The following HIP1 variants were observed in gnomAD, a reference collection of about 807,000 sequenced individuals.
HIP1 encodes huntingtin-interacting protein 1.
Under a neutral mutation model 147.6 loss-of-function variants are expected in HIP1, and 65 were observed. The observed-to-expected ratio is 0.44, with a 90% CI of 0.36 to 0.54. The LOEUF (loss-of-function observed/expected upper bound fraction) is 0.54. HIP1 is among the 20% of genes least tolerant of loss of function. The pLI, the probability that HIP1 is intolerant of heterozygous loss-of-function variation, is 0.00. For synonymous variants in HIP1, 479 were observed against 504.0 expected, an observed-to-expected ratio of 0.95 and a Z score of 0.67; for missense variants, 1,061 against 1,299.6, an observed-to-expected ratio of 0.82 and a Z score of 2.82.
At chr7:75,736,221 C>G (rs186783898) in intron 1 of HIP1, among the ~76,000 whole-genome samples, 169 of 120,660 alleles carry the variant, frequency 1.4e-3, no homozygotes, top group African/African-American at 4.6e-3. Context: ...CTGACCTAGA[C>G]TCTCCTGTTG....
intron 1 of HIP1, among the ~76,000 whole-genome samples, chr7:75,636,042 A>C (rs1798415425): frequency 6.7e-6 from 1 of 148,646 alleles, no homozygotes; most frequent in Non-Finnish European, 1.5e-5. Flanking sequence ...AAAAAAAAAA[A>C]AAAAAAAATC....
chr7:75,597,601 G>T (rs1253022902), intron 2 of HIP1, among the ~76,000 whole-genome samples: 1 of 151,986 alleles, frequency 6.6e-6, no homozygotes, highest in African/African-American at 2.4e-5. Context: ...TTAGCTAGGG[G>T]TAGTGATACA....
rs868933931 is a variant in HIP1 at position 75,660,043 on chromosome 7, G to A, written c.121-60796C>T. Among the ~76,000 whole-genome samples, 14 of 150,124 alleles carry A rather than the reference G, an allele frequency of 9.3e-5. 1 individual carries two copies. The highest frequency in any genetic ancestry group is 2.1e-4 in the South Asian group (1 of 4,690). On this transcript the variant is annotated intron_variant, in intron 1 of 30. Transcript: ENST00000336926. ...CGGGAGGCTGAGGCGGAAGAATCGC[G>A]TGAACCGGAGAAGCGGAGGTTGCAC... is the stretch of plus-strand genomic sequence containing the variant.
intron 1 of HIP1, among the ~76,000 whole-genome samples, chr7:75,716,837 A>G (rs1354604114): frequency 8.7e-5 from 13 of 149,980 alleles, no homozygotes; most frequent in Admixed American, 8.7e-4. Context: ...GGGGGGGGGA[A>G]AGGATCTCAC....
chr7:75,706,484 T>TTA lies in HIP1; in HGVS notation c.120+32316_120+32317insTA, dbSNP rs1554519740. Among the ~76,000 whole-genome samples the TTA allele has an allele frequency of 2.7e-3, 393 of 145,376 alleles. 1 individual carries two copies. Among genetic ancestry groups the TTA allele is most frequent in the Non-Finnish European group, 3.9e-3 (255 of 66,114 alleles). On this transcript the variant is annotated intron_variant, in intron 1 of 30. Coordinates refer to ENST00000336926, the MANE Select transcript of HIP1 (RefSeq NM_005338.7). ...TTTGTATATATCTTCTTTTTTTTTA[T>TTA]TTTTTTTTTATTTTTTTATTTTTTA...
intron 1 of HIP1, among the ~76,000 whole-genome samples, chr7:75,661,347 C>T (rs1799306019): frequency 6.7e-6 from 1 of 150,060 alleles, no homozygotes; most frequent in Non-Finnish European, 1.5e-5. Context: ...CCAAGGCAGT[C>T]GGATCACCTG....
chr7:75,544,912 G>A (rs1794491013), intron 26 of HIP1, 112 bp from the exon 27 acceptor site: 2 of 789,766 alleles, frequency 2.5e-6, no homozygotes, highest in Non-Finnish European at 2.1e-6. Flanking sequence ...AGGGGAGGCT[G>A]CCTGCCCTGT....
At chr7:75,622,024 C>T (rs587596449) in intron 1 of HIP1, among the ~76,000 whole-genome samples, 27 of 152,252 alleles carry the variant, frequency 1.8e-4, no homozygotes, top group Admixed American at 7.2e-4. Context: ...TGGCTCACAC[C>T]TGTAATCCCA....
intron 1 of HIP1, among the ~76,000 whole-genome samples, chr7:75,699,007 T>C (rs1800727950): frequency 6.6e-6 from 1 of 152,114 alleles, no homozygotes; most frequent in Admixed American, 6.6e-5. Context: ...AAGGGACGCC[T>C]TTCACTTTTT....
In HIP1 at chr7:75,562,177, T is replaced by C; in HGVS notation, c.1021-7A>G. ...ACTTGTTGTCAAATAAATTCTGTGG[T>C]TGACCAAAAAGGAGTGAGAATAAGT... On this transcript the variant is annotated splice_polypyrimidine_tract_variant and splice_region_variant and intron_variant, in intron 11 of 30. Coordinates refer to ENST00000336926, the MANE Select transcript of HIP1 (RefSeq NM_005338.7). 6.2e-7 allele frequency: 1 copy of C among 1,602,794 alleles called. No homozygotes were observed. Among genetic ancestry groups the C allele is most frequent in the Non-Finnish European group, 8.5e-7 (1 of 1,169,776 alleles).
chr7:75,723,963 GAGAGAGAA>G (rs1322968778), intron 1 of HIP1, among the ~76,000 whole-genome samples: 1 of 149,144 alleles, frequency 6.7e-6, no homozygotes, highest in Non-Finnish European at 1.5e-5. Flanking sequence ...GAGAGAGAGA[GAGAGAGAA>G]AGAGAGACAG....
intron 1 of HIP1, among the ~76,000 whole-genome samples, chr7:75,609,903 C>CTTTTTTTTTTTTTTT (rs56106169): frequency 7.6e-6 from 1 of 131,004 alleles, no homozygotes; most frequent in African/African-American, 2.8e-5. Flanking sequence ...CTCTTCTTTT[C>CTTTTTTTTTTTTTTT]TTTTTTTTTT....
In HIP1 at chr7:75,545,159, G is replaced by A. The variant is rs1794503714; in HGVS notation, c.2589C>T (p.Ala863=). 6.2e-7 allele frequency: 1 copy of A among 1,609,836 alleles called. No individual in the cohort carries two copies. Among genetic ancestry groups the A allele is most frequent in the African/African-American group, 1.3e-5 (1 of 74,596 alleles). The change falls in exon 26 of 31, where the codon GCC becomes GCT. Residue 863 remains alanine, a synonymous_variant. Transcript: ENST00000336926. ...GTCCTTCTGTCCATCGAGAGTTCTTGGCATAAAACTCTTTAGGGGATGCTG... is the reference window on the plus strand; with the variant it reads ...GTCCTTCTGTCCATCGAGAGTTCTTAGCATAAAACTCTTTAGGGGATGCTG... ...RGTASPKEFY[A]KNSRWTEGLI... is the part of the protein sequence containing the mutation.
chr7:75,623,953 A>G (rs1797943496), intron 1 of HIP1, among the ~76,000 whole-genome samples: 1 of 152,140 alleles, frequency 6.6e-6, no homozygotes, highest in African/African-American at 2.4e-5. Flanking sequence ...TCATAGCTAC[A>G]TAGGAGGCTG....
chr7:75,733,487 T>A (rs1395627449), intron 1 of HIP1: 1 of 150,380 alleles, frequency 6.6e-6, no homozygotes, highest in Non-Finnish European at 1.5e-5. Context: ...AGCTTGAAAG[T>A]GGCTTGTGAT....
At chr7:75,571,028 ATAAAG>A (rs200640700) in intron 8 of HIP1, among the ~76,000 whole-genome samples, 5,124 of 152,166 alleles carry the variant, frequency 0.034, 138 homozygotes, top group Middle Eastern at 0.099. Flanking sequence ...AAATAAATAA[ATAAAG>A]TAAATTAAAA....
At position 75,568,329 on chromosome 7, in the gene HIP1, G is replaced by T. The variant is rs1795486967; in HGVS notation, c.746-73C>A. The T allele has an allele frequency of 1.2e-5, 12 of 978,110 alleles. No individual in the cohort carries two copies. The highest frequency in any genetic ancestry group is 2.0e-5 in the Non-Finnish European group (12 of 600,732). 60.6% of individuals were successfully genotyped at this position (978,110 alleles called of 1,614,324 possible). ...AGGGAAGCCACAGCGGGGCTCTCGA[G>T]GGGGAGGGGCCCAGCTACCCTGGGG... On this transcript the variant is annotated intron_variant, in intron 8 of 30. Coordinates refer to ENST00000336926, the MANE Select transcript of HIP1 (RefSeq NM_005338.7). This position sits in a 1 kb window ranked among gnomAD's most constrained non-coding sequence, Gnocchi z 4.1.
At chr7:75,561,272 C>T in intron 13 of HIP1, 57 bp downstream of exon 13, 2 of 1,227,602 alleles carry the variant, frequency 1.6e-6, no homozygotes, top group Non-Finnish European at 2.4e-6. Flanking sequence ...GCAAATTTAA[C>T]ATTCAAATCT....
chr7:75,635,390 G>T lies in HIP1; in HGVS notation c.121-36143C>A, dbSNP rs1798387254. On this transcript the variant is annotated intron_variant, in intron 1 of 30. Transcript: ENST00000336926. ...AGAGGGAAATCAAGAGTCACCTTAGGCCCAGATGAGACGAGAGATCATTAT... is the reference window on the plus strand; with the variant it reads ...AGAGGGAAATCAAGAGTCACCTTAGTCCCAGATGAGACGAGAGATCATTAT... Among the ~76,000 whole-genome samples the T allele has an allele frequency of 2.0e-5, 3 of 151,990 alleles. No individual in the cohort carries two copies. In the South Asian group the frequency reaches 6.2e-4, roughly 31 times the overall value.
Sources: allele counts gnomAD v4.1 joint callset (sites outside exome capture counted in the v4.1 genomes callset), GRCh38; gene constraint gnomAD v4.1.1; non-coding constraint Gnocchi (gnomAD v3.1); transcripts MANE v1.5; gene names NCBI Gene and HGNC (gene_info 2026-07-23, HGNC 2026-07-21).